PALD1: variants seen among roughly 807,000 people sequenced by gnomAD.
PALD1 encodes the protein paladin.
A neutral mutation model predicts 96.0 loss-of-function variants in PALD1; 57 were observed. The ratio of observed to expected loss-of-function variants is 0.59; its 90% CI spans 0.48 to 0.74. PALD1 has a LOEUF of 0.74. Among genes scored for constraint, PALD1 ranks in the 30% least tolerant of loss-of-function variants. The pLI, the probability that PALD1 is intolerant of heterozygous loss-of-function variation, is 0.00. For synonymous variants in PALD1, 464 were observed against 473.6 expected (o/e 0.98, Z 0.26); for missense variants, 1,063 against 1,143.7 (o/e 0.93, Z 1.02).
chr10:70,529,373 C>G (rs1356250875), intron 3 of PALD1, 42 bp downstream of exon 3: 3 of 916,822 alleles, frequency 3.3e-6, no homozygotes, highest in Admixed American at 3.9e-5. Flanking sequence ...TGCTGCCTCC[C>G]ACCCCTATCT....
At chr10:70,515,234 T>G (rs546512059) in intron 1 of PALD1, among the ~76,000 whole-genome samples, 1 of 152,304 alleles carries the variant, frequency 6.6e-6, no homozygotes, top group Non-Finnish European at 1.5e-5. Context: ...TGGAGAGAAC[T>G]GGGCTGACTC....
chr10:70,508,803 GT>G (rs1846448807), intron 1 of PALD1, among the ~76,000 whole-genome samples: 1 of 145,270 alleles, frequency 6.9e-6, no homozygotes, highest in African/African-American at 2.6e-5. Context: ...GTGTGTGTGT[GT>G]GTGTGTGTGT....
chr10:70,458,786 C>G, the PALD1 span, among the ~76,000 whole-genome samples: 42 of 152,358 alleles, frequency 2.8e-4, no homozygotes, highest in African/African-American at 8.4e-4. Context: ...CCATCTGTCC[C>G]GTCCCCTCGC....
chr10:70,560,812 A>C (rs1348981676), intron 18 of PALD1, among the ~76,000 whole-genome samples: 1 of 152,008 alleles, frequency 6.6e-6, no homozygotes, highest in Non-Finnish European at 1.5e-5. Flanking sequence ...GCTCAGTCCA[A>C]TGGATGAGGA....
intron 18 of PALD1, among the ~76,000 whole-genome samples, chr10:70,548,227 C>T (rs1847407312): frequency 6.6e-6 from 1 of 152,106 alleles, no homozygotes; most frequent in Non-Finnish European, 1.5e-5. Context: ...ATTGCTTGAA[C>T]CCGGGAGGCG....
chr10:70,463,210 C>G, the PALD1 span, among the ~76,000 whole-genome samples: 1 of 152,170 alleles, frequency 6.6e-6, no homozygotes, highest in Non-Finnish European at 1.5e-5. Flanking sequence ...CAAGACCATC[C>G]TGGCTAACAC....
chr10:70,519,573 C>CTT (rs1192092171), intron 1 of PALD1, among the ~76,000 whole-genome samples: 4,618 of 133,622 alleles, frequency 0.035, 316 homozygotes, highest in African/African-American at 0.12. Context: ...TTCTTTCTTT[C>CTT]TTTTTTTTTT....
intron 1 of PALD1, among the ~76,000 whole-genome samples, chr10:70,492,017 A>G (rs1217539415): frequency 6.6e-6 from 1 of 151,976 alleles, no homozygotes; most frequent in Admixed American, 6.5e-5. Context: ...GGTTGTTTCT[A>G]CCTTTTGGCT....
chr10:70,459,566 C>T, the PALD1 span, among the ~76,000 whole-genome samples: 1 of 152,156 alleles, frequency 6.6e-6, no homozygotes, highest in Admixed American at 6.5e-5. Context: ...GAAGGACGTC[C>T]AGATTTGGTC....
At chr10:70,499,892 C>T (rs1466953769) in intron 1 of PALD1, among the ~76,000 whole-genome samples, 1 of 152,228 alleles carries the variant, frequency 6.6e-6, no homozygotes, top group Non-Finnish European at 1.5e-5. Flanking sequence ...AGAATGGCCA[C>T]AATCTGTAGC....
intron 18 of PALD1, among the ~76,000 whole-genome samples, chr10:70,559,976 C>T (rs991367289): frequency 1.3e-5 from 2 of 152,152 alleles, no homozygotes; most frequent in Non-Finnish European, 2.9e-5. Context: ...TCTCTGCAGA[C>T]CCCCAGGGCG....
At chr10:70,458,689 G>T in the PALD1 span, among the ~76,000 whole-genome samples, 1,480 of 152,314 alleles carry the variant, frequency 9.7e-3, 30 homozygotes, top group African/African-American at 0.034. Context: ...AGACAGAGAC[G>T]CTCCGGCGCG....
In PALD1 at chr10:70,537,843, G is replaced by A; in HGVS notation, c.1260G>A (p.Arg420=). The change falls in exon 11 of 20, where the codon AGG becomes AGA. Residue 420 remains arginine (R), a synonymous_variant. Transcript: ENST00000263563. Reference sequence around the variant, plus strand: ...GCAGCCGACACAGCGTCTGGCAGAGGGCGCTGTGGAGCCTGGAGCGATACT... The same window carrying A: ...GCAGCCGACACAGCGTCTGGCAGAGAGCGCTGTGGAGCCTGGAGCGATACT... ...GSGSRHSVWQ[R]ALWSLERYFY... 1 of 1,613,856 alleles carries A rather than the reference G, an allele frequency of 6.2e-7. No homozygotes were observed. The highest frequency in any genetic ancestry group is 8.5e-7 in the Non-Finnish European group (1 of 1,179,856).
rs71012209 is a variant in PALD1, at chr10:70,501,813, C to CTGTGTGTGTGTGTGTGTGTGTGTGTGTG, written c.-30+22776_-30+22777insTGTGTGTGTGTGTGTGTGTGTGTGTGTG. Among the ~76,000 whole-genome samples the CTGTGTGTGTGTGTGTGTGTGTGTGTGTG allele has an allele frequency of 1.1e-4, 15 of 139,286 alleles. 1 individual carries two copies. The highest frequency in any genetic ancestry group is 2.2e-4 in the Non-Finnish European group (14 of 63,178). 91.4% of individuals were successfully genotyped at this position (139,286 alleles called of 152,430 possible). On this transcript the variant is annotated intron_variant, in intron 1 of 19. Coordinates refer to ENST00000263563, the MANE Select transcript of PALD1 (RefSeq NM_014431.3). ...ATTTGTCCTTCCAGACATTTTTACT[C>CTGTGTGTGTGTGTGTGTGTGTGTGTGTG]TGTGTGTGTGTGTGTGTGTGTGCGT...
chr10:70,491,472 C>A (rs950990984), intron 1 of PALD1, among the ~76,000 whole-genome samples: 5 of 151,856 alleles, frequency 3.3e-5, no homozygotes, highest in Non-Finnish European at 5.9e-5. Context: ...GTGATGATAT[C>A]ATTTGGCCTT....
chr10:70,531,582 T>G (rs1846992369), intron 5 of PALD1, 128 bp downstream of exon 5: 6 of 867,270 alleles, frequency 6.9e-6, no homozygotes. Context: ...CTTGGGTGAG[T>G]GGCTGGCTGC....
At chr10:70,501,834 T>TGTGTGTGTGTGCGC (rs774868338) in intron 1 of PALD1, among the ~76,000 whole-genome samples, 305 of 149,492 alleles carry the variant, frequency 2.0e-3, no homozygotes, top group African/African-American at 5.5e-3. Context: ...TGTGTGTGTG[T>TGTGTGTGTGTGCGC]GCGTGCGTGC....
chr10:70,561,869 C>T (rs1847744053), intron 18 of PALD1, among the ~76,000 whole-genome samples: 2 of 152,214 alleles, frequency 1.3e-5, no homozygotes, highest in African/African-American at 4.8e-5. Flanking sequence ...CTCTGTAGAC[C>T]TCACCCACCC....
At chr10:70,498,713 G>A (rs1846238553) in intron 1 of PALD1, among the ~76,000 whole-genome samples, 1 of 152,026 alleles carries the variant, frequency 6.6e-6, no homozygotes, top group Non-Finnish European at 1.5e-5. Context: ...GATCACCTGA[G>A]GTCAGGAGTT....
Sources: gnomAD v4.1 joint callset for allele counts (sites outside exome capture counted in the v4.1 genomes callset) on GRCh38, gnomAD v4.1.1 for gene constraint, MANE v1.5 for transcripts, NCBI Gene and HGNC (gene_info 2026-07-23, HGNC 2026-07-21) for gene names.